C8orf34: variants seen among roughly 807,000 people sequenced by gnomAD.
The protein encoded by C8orf34 is chromosome 8 open reading frame 34.
In C8orf34, 65 loss-of-function variants were observed where a neutral mutation model predicts 68.3. The ratio of observed to expected loss-of-function variants is 0.95; its 90% CI spans 0.78 to 1.17. The LOEUF (loss-of-function observed/expected upper bound fraction) is 1.17. C8orf34 is among the 50% of genes most tolerant of loss of function. C8orf34 has a pLI of 0.00. For synonymous variants in C8orf34, 244 were observed against 241.2 expected, an observed-to-expected ratio of 1.01 and a Z score of -0.11; for missense variants, 664 against 655.4, an observed-to-expected ratio of 1.01 and a Z score of -0.14.
At chr8:68,693,499 T>A (rs1028170444) in intron 8 of C8orf34, among the ~76,000 whole-genome samples, 54 of 152,230 alleles carry the variant, frequency 3.5e-4, no homozygotes, top group Non-Finnish European at 1.0e-4. Flanking sequence ...GATTTGAAAG[T>A]TTCTTGTGCA....
intron 8 of C8orf34, among the ~76,000 whole-genome samples, chr8:68,650,650 T>A (rs1819329048): frequency 6.6e-6 from 1 of 152,008 alleles, no homozygotes; most frequent in Admixed American, 6.6e-5. Context: ...CGGCTAATTT[T>A]TTGTATTTTT....
chr8:68,430,063 T>G (rs1810389596), intron 1 of C8orf34, among the ~76,000 whole-genome samples: 1 of 152,074 alleles, frequency 6.6e-6, no homozygotes, highest in South Asian at 2.1e-4. Context: ...AGCTCAGAAC[T>G]TTCAGTCCCA....
intron 8 of C8orf34, among the ~76,000 whole-genome samples, chr8:68,689,207 A>T (rs1820614850): frequency 6.6e-6 from 1 of 152,046 alleles, no homozygotes; most frequent in Admixed American, 6.6e-5. Flanking sequence ...ATTCAAAGAC[A>T]TACAGAGAGA....
At chr8:68,696,955 A>G (rs917343335) in intron 8 of C8orf34, among the ~76,000 whole-genome samples, 1 of 151,786 alleles carries the variant, frequency 6.6e-6, no homozygotes, top group Admixed American at 6.6e-5. Flanking sequence ...TTTACTTTGC[A>G]TTGTCTTTTG....
chr8:68,780,858 T>C (rs1823655035), intron 11 of C8orf34, among the ~76,000 whole-genome samples: 1 of 152,178 alleles, frequency 6.6e-6, no homozygotes, highest in African/African-American at 2.4e-5. Flanking sequence ...AATTTAGCTG[T>C]GTACATAAAG....
intron 12 of C8orf34, chr8:68,790,842 G>A (rs1022963911): frequency 2.6e-5 from 18 of 701,436 alleles, no homozygotes; most frequent in Non-Finnish European, 4.2e-5. Context: ...CTCTGTGGCT[G>A]GGACTCTGAA....
intron 8 of C8orf34, among the ~76,000 whole-genome samples, chr8:68,695,399 T>C (rs1820802384): frequency 6.6e-6 from 1 of 152,160 alleles, no homozygotes; most frequent in South Asian, 2.1e-4. Flanking sequence ...TCCACCCACC[T>C]TGGCATCCAA....
intron 5 of C8orf34, among the ~76,000 whole-genome samples, chr8:68,514,955 C>T (rs1814441738): frequency 6.6e-6 from 1 of 151,908 alleles, no homozygotes; most frequent in Non-Finnish European, 1.5e-5. Context: ...AATCAGCAAA[C>T]AAAATGAACA....
chr8:68,744,971 G>A (rs1007315585), intron 10 of C8orf34, among the ~76,000 whole-genome samples: 68 of 152,174 alleles, frequency 4.5e-4, no homozygotes, highest in African/African-American at 1.6e-3. Context: ...AAAATGTTAA[G>A]GGCAGCCAGA....
At chr8:68,357,948 A>G (rs529683486) in intron 1 of C8orf34, among the ~76,000 whole-genome samples, 2 of 152,182 alleles carry the variant, frequency 1.3e-5, no homozygotes, top group South Asian at 2.1e-4. Context: ...CTAGCCCATT[A>G]TCATGGGCAT....
At chr8:68,536,358 C>CACA (rs1815471772) in intron 7 of C8orf34, among the ~76,000 whole-genome samples, 1 of 49,226 alleles carries the variant, frequency 2.0e-5, no homozygotes, top group South Asian at 1.3e-3. Flanking sequence ...GACCCTATCT[C>CACA]AAAAAAAAAA....
chr8:68,540,988 A>T (rs547472788), intron 7 of C8orf34, among the ~76,000 whole-genome samples: 1 of 152,330 alleles, frequency 6.6e-6, no homozygotes, highest in East Asian at 1.9e-4. Context: ...TTGTGTTCAG[A>T]TAGCCCTTGT....
intron 1 of C8orf34, among the ~76,000 whole-genome samples, chr8:68,369,327 G>C (rs1807454235): frequency 6.6e-6 from 1 of 152,110 alleles, no homozygotes; most frequent in Non-Finnish European, 1.5e-5. Flanking sequence ...TTGCTTCTTG[G>C]GAGCCTTTCT....
chr8:68,511,725 A>G (rs1270531392), intron 5 of C8orf34, among the ~76,000 whole-genome samples: 1 of 152,236 alleles, frequency 6.6e-6, no homozygotes, highest in Non-Finnish European at 1.5e-5. Context: ...TAAGTTAAGA[A>G]TACTCATGGA....
intron 1 of C8orf34, among the ~76,000 whole-genome samples, chr8:68,369,795 C>T (rs1214294269): frequency 6.6e-6 from 1 of 152,208 alleles, no homozygotes; most frequent in Non-Finnish European, 1.5e-5. Flanking sequence ...ATTCTCTGCA[C>T]ACTTGCCAGC....
At chr8:68,630,322 A>G (rs1319224317) in intron 7 of C8orf34, among the ~76,000 whole-genome samples, 3 of 152,122 alleles carry the variant, frequency 2.0e-5, no homozygotes, top group African/African-American at 7.2e-5. Flanking sequence ...AGTCAACAGA[A>G]AAGTTACAAA....
intron 7 of C8orf34, among the ~76,000 whole-genome samples, chr8:68,605,058 A>G (rs7818791): frequency 5.9e-5 from 9 of 152,118 alleles, no homozygotes; most frequent in African/African-American, 2.2e-4. Flanking sequence ...ATCTTAACAG[A>G]TACCTCACCA....
At chr8:68,609,501 A>C (rs1433537283) in intron 7 of C8orf34, among the ~76,000 whole-genome samples, 1 of 152,206 alleles carries the variant, frequency 6.6e-6, no homozygotes, top group South Asian at 2.1e-4. Context: ...TGGTGTGGTC[A>C]CAGAAGCCAA....
intron 10 of C8orf34, among the ~76,000 whole-genome samples, chr8:68,737,749 T>C (rs189372354): frequency 6.6e-6 from 1 of 152,042 alleles, no homozygotes; most frequent in African/African-American, 2.4e-5. Flanking sequence ...GCACCTAACA[T>C]AGGAGCAGCC....
Sources: gnomAD v4.1 joint callset for allele counts (sites outside exome capture counted in the v4.1 genomes callset) on GRCh38, gnomAD v4.1.1 for gene constraint, MANE v1.5 for transcripts, NCBI Gene and HGNC (gene_info 2026-07-23, HGNC 2026-07-21) for gene names.